Variants in PPP2R2B observed in about 807,000 individuals in gnomAD.
The protein encoded by PPP2R2B is protein phosphatase 2 regulatory subunit Bbeta.
PPP2R2B carries 5 observed loss-of-function variants against 46.0 expected under a neutral mutation model. The ratio of observed to expected loss-of-function variants is 0.11; its 90% CI spans 0.06 to 0.23. The LOEUF is 0.23. PPP2R2B is among the 10% of genes least tolerant of loss of function. The pLI is 1.00. For synonymous variants in PPP2R2B, 215 were observed against 206.7 expected, an observed-to-expected ratio of 1.04 and a Z score of -0.34; for missense variants, 367 against 575.0, an observed-to-expected ratio of 0.64 and a Z score of 3.70.
At chr5:146,853,469 C>A (rs1269687242) in intron 2 of PPP2R2B, among the ~76,000 whole-genome samples, 1 of 152,064 alleles carries the variant, frequency 6.6e-6, no homozygotes, top group Non-Finnish European at 1.5e-5. Context: ...CAAATCCTGG[C>A]TTTTCTACTG....
chr5:146,983,540 A>G (rs1480187308), intron 1 of PPP2R2B, among the ~76,000 whole-genome samples: 1 of 152,134 alleles, frequency 6.6e-6, no homozygotes, highest in Non-Finnish European at 1.5e-5. Flanking sequence ...CATTATATAA[A>G]CAAAAGTTAT....
chr5:146,609,180 T>G (rs1456922904), intron 7 of PPP2R2B, among the ~76,000 whole-genome samples: 2 of 152,004 alleles, frequency 1.3e-5, no homozygotes, highest in Non-Finnish European at 2.9e-5. Context: ...CTCAAAAAAC[T>G]GGATATAGAA....
intron 7 of PPP2R2B, among the ~76,000 whole-genome samples, chr5:146,604,054 A>G (rs768212537): frequency 7.9e-5 from 12 of 152,230 alleles, no homozygotes; most frequent in Non-Finnish European, 1.6e-4. Context: ...CAGGCCCTGT[A>G]CCAAATGCTA....
At chr5:146,819,638 T>C (rs908867718) in intron 2 of PPP2R2B, among the ~76,000 whole-genome samples, 6 of 152,214 alleles carry the variant, frequency 3.9e-5, no homozygotes, top group African/African-American at 1.2e-4. Flanking sequence ...TTTTTTTGTA[T>C]GAATGTATAT....
intron 2 of PPP2R2B, among the ~76,000 whole-genome samples, chr5:146,794,522 G>C (rs897134769): frequency 6.6e-5 from 10 of 152,182 alleles, no homozygotes; most frequent in Admixed American, 1.3e-4. Flanking sequence ...TAAATAAAAT[G>C]GGTTGCTATG....
chr5:146,962,954 C>T (rs1489481341), intron 1 of PPP2R2B, among the ~76,000 whole-genome samples: 2 of 152,192 alleles, frequency 1.3e-5, no homozygotes. Context: ...GGCTAAGGCA[C>T]TCAGACTTTC....
intron 7 of PPP2R2B, among the ~76,000 whole-genome samples, chr5:146,630,762 G>T (rs1187336529): frequency 6.6e-6 from 1 of 152,148 alleles, no homozygotes; most frequent in Non-Finnish European, 1.5e-5. Flanking sequence ...GACACATGTG[G>T]TAGGGAAGCA....
chr5:147,054,146 GT>G lies in PPP2R2B; in HGVS notation c.79+1518del, dbSNP rs575605571. Among the ~76,000 whole-genome samples, 4 of 152,214 alleles carry G rather than the reference GT, an allele frequency of 2.6e-5. No individual in the cohort carries two copies. In the South Asian group the frequency reaches 8.3e-4, roughly 32 times the overall value. On this transcript the variant is annotated intron_variant, in intron 1 of 8. Coordinates refer to the PPP2R2B transcript ENST00000336640. ...ACTTTAAAAGTTCTTGTTGTAGCAGGTTTTTTTCTATATGATATAGAATGTT... is the reference window on the plus strand; with the variant it reads ...ACTTTAAAAGTTCTTGTTGTAGCAGGTTTTTTCTATATGATATAGAATGTT...
chr5:146,938,272 A>C (rs1027699662), intron 1 of PPP2R2B, among the ~76,000 whole-genome samples: 1 of 152,194 alleles, frequency 6.6e-6, no homozygotes, highest in Non-Finnish European at 1.5e-5. Context: ...AATGTGGAAA[A>C]AAATGTGTCT....
intron 1 of PPP2R2B, among the ~76,000 whole-genome samples, chr5:146,989,463 T>C (rs960333501): frequency 1.3e-5 from 2 of 152,076 alleles, no homozygotes; most frequent in African/African-American, 2.4e-5. Flanking sequence ...TCAATAAGTA[T>C]GATGCATCAC....
At chr5:146,940,759 T>A (rs1764298094) in intron 1 of PPP2R2B, among the ~76,000 whole-genome samples, 1 of 152,164 alleles carries the variant, frequency 6.6e-6, no homozygotes, top group Middle Eastern at 3.2e-3. Flanking sequence ...TGCATACATA[T>A]CCTCCCCATG....
intron 2 of PPP2R2B, among the ~76,000 whole-genome samples, chr5:146,743,786 G>A (rs190968015): frequency 1.5e-4 from 23 of 152,240 alleles, no homozygotes; most frequent in African/African-American, 4.6e-4. Context: ...ACACCAAGTC[G>A]TAAGCTAAAA....
At chr5:146,721,271 G>A (rs1780781837) in intron 2 of PPP2R2B, among the ~76,000 whole-genome samples, 1 of 152,074 alleles carries the variant, frequency 6.6e-6, no homozygotes, top group South Asian at 2.1e-4. Flanking sequence ...ATTAATTTAT[G>A]TTTCTAATGA....
rs1770052375 is a variant in PPP2R2B at position 146,584,714 on chromosome 5, C to G, written c.*5233G>C. 1 of 152,166 alleles carries G rather than the reference C, an allele frequency of 6.6e-6. No homozygotes were observed. Among genetic ancestry groups the G allele is most frequent in the African/African-American group, 2.4e-5 (1 of 41,430 alleles). The allele number at this position is 152,166 out of a possible 1,614,324, so 9.4% of individuals were successfully genotyped here. A position where few individuals can be genotyped will look rare whatever the true frequency, so the allele number is the denominator to read the frequency against. On this transcript the variant is annotated 3_prime_UTR_variant, in exon 10 of 10. Transcript: ENST00000394411. ...TTTTATTCTTTCCGTCTACTTTACA[C>G]TTAAATACAGTGCTTAAAATAAGGT...
At chr5:146,907,987 A>C (rs1763056027) in intron 1 of PPP2R2B, among the ~76,000 whole-genome samples, 3 of 152,150 alleles carry the variant, frequency 2.0e-5, no homozygotes, top group Admixed American at 6.5e-5. Context: ...ATAGAGAAAA[A>C]CTGCCGAGCA....
At chr5:147,044,239 T>C (rs191868260) in intron 1 of PPP2R2B, among the ~76,000 whole-genome samples, 13 of 152,104 alleles carry the variant, frequency 8.5e-5, no homozygotes, top group African/African-American at 3.1e-4. Context: ...TTCTAAGAAA[T>C]AGATTTCAGT....
chr5:146,636,584 T>TC lies in PPP2R2B; in HGVS notation c.790+1666dup, dbSNP rs1431057983. ...AGGAACTGGATTCCTCTCTGTGCCC[T>TC]CCTTCCATGGCAGCAGGGTTCATGG... On this transcript the variant is annotated intron_variant, in intron 7 of 9. Transcript: ENST00000394411. Among the ~76,000 whole-genome samples the TC allele has an allele frequency of 3.3e-5, 5 of 152,170 alleles. No homozygotes were observed. The East Asian group carries it at 9.6e-4, about 29-fold the overall frequency.
chr5:146,763,434 C>A (rs1754285552), intron 2 of PPP2R2B, among the ~76,000 whole-genome samples: 1 of 152,086 alleles, frequency 6.6e-6, no homozygotes, highest in African/African-American at 2.4e-5. Context: ...GATAATCTTA[C>A]CCAAGAGTGG....
At chr5:146,937,705 A>T (rs983358385) in intron 1 of PPP2R2B, among the ~76,000 whole-genome samples, 1 of 152,024 alleles carries the variant, frequency 6.6e-6, no homozygotes, top group Non-Finnish European at 1.5e-5. Context: ...AGAGAACAGG[A>T]TGTCTTCAAG....
Sources: gnomAD v4.1 joint callset for allele counts (sites outside exome capture counted in the v4.1 genomes callset) on GRCh38, gnomAD v4.1.1 for gene constraint, MANE v1.5 for transcripts, NCBI Gene and HGNC (gene_info 2026-07-23, HGNC 2026-07-21) for gene names.